Variants in DDX60L observed in about 807,000 individuals in gnomAD.
DDX60L encodes DExD/H-box 60 like, also known as probable ATP-dependent RNA helicase DDX60-like.
A neutral mutation model predicts 211.6 loss-of-function variants in DDX60L; 191 were observed. The ratio of observed to expected loss-of-function variants is 0.90; its 90% CI spans 0.80 to 1.02. The LOEUF (loss-of-function observed/expected upper bound fraction) is 1.02, where lower values mean the gene tolerates loss of function less well. Ranked by LOEUF, DDX60L falls within the 50% of genes least tolerant of loss-of-function variation. The pLI, the probability that DDX60L is intolerant of heterozygous loss-of-function variation, is 0.00. For synonymous variants in DDX60L, 706 were observed against 694.1 expected, an observed-to-expected ratio of 1.02 and a Z score of -0.27; for missense variants, 2,007 against 1,984.1, an observed-to-expected ratio of 1.01 and a Z score of -0.22.
intron 13 of DDX60L, 114 bp from the exon 14 acceptor site, chr4:168,427,436 G>A (rs561288314): frequency 5.8e-5 from 67 of 1,150,246 alleles, no homozygotes; most frequent in Admixed American, 4.5e-4. Flanking sequence ...CATTCTACTC[G>A]TGCACAGGCA....
intron 9 of DDX60L, among the ~76,000 whole-genome samples, chr4:168,443,418 G>A (rs1754254798): frequency 6.6e-6 from 1 of 151,906 alleles, no homozygotes; most frequent in African/African-American, 2.4e-5. Context: ...ACCTGAAAGT[G>A]ATGGGGAGAA....
Position 168,384,851 on chromosome 4 carries a change from G to A in DDX60L, c.3916-39C>T, listed in dbSNP as rs1464703747. The A allele has an allele frequency of 3.8e-6, 6 of 1,567,818 alleles. No homozygotes were observed. The African/African-American group carries it at 6.8e-5, about 18-fold the overall frequency. On this transcript the variant is annotated intron_variant, in intron 29 of 37. Transcript: ENST00000682922. ...AGAATCACAATGTAAAACCTCCACA[G>A]ATAATTATCCTATGAAGTCCAAAGA...
chr4:168,461,586 T>C, intron 5 of DDX60L, 113 bp downstream of exon 5: 1 of 724,474 alleles, frequency 1.4e-6, no homozygotes, highest in South Asian at 2.0e-5. Flanking sequence ...TATTACCTCT[T>C]TGGAGACTGC....
At chr4:168,450,469 C>T (rs903670827) in intron 8 of DDX60L, among the ~76,000 whole-genome samples, 1 of 141,856 alleles carries the variant, frequency 7.0e-6, no homozygotes, top group African/African-American at 2.7e-5. Flanking sequence ...CTCTGGTCTC[C>T]CTCAAAAAAA....
At chr4:168,454,806 T>A (rs1756304173) in intron 7 of DDX60L, among the ~76,000 whole-genome samples, 1 of 142,224 alleles carries the variant, frequency 7.0e-6, no homozygotes, top group Non-Finnish European at 1.5e-5. Context: ...TTGTTGTCAT[T>A]TGTTGGGATG....
At chr4:168,368,998 G>A (rs1406034283) in intron 36 of DDX60L, among the ~76,000 whole-genome samples, 3 of 152,186 alleles carry the variant, frequency 2.0e-5, no homozygotes, top group African/African-American at 7.2e-5. Context: ...TATCAGATAA[G>A]ACATTGTACA....
intron 4 of DDX60L, 185 bp downstream of exon 4, chr4:168,471,561 TA>T: frequency 4.4e-6 from 2 of 458,534 alleles, no homozygotes; most frequent in Non-Finnish European, 7.4e-6. Context: ...AAAAATTTAA[TA>T]AAATAAAAAA....
At chr4:168,365,004 C>T (rs1412117026) in intron 36 of DDX60L, among the ~76,000 whole-genome samples, 2 of 151,888 alleles carry the variant, frequency 1.3e-5, no homozygotes, top group African/African-American at 4.8e-5. Flanking sequence ...CACATTATAA[C>T]AAAACTTATG....
At position 168,373,521 on chromosome 4, in the gene DDX60L, A is replaced by AG; in HGVS notation, c.4776+144dup. 5 of 813,196 alleles carry AG rather than the reference A, an allele frequency of 6.1e-6. No individual in the cohort carries two copies. In the South Asian group the frequency reaches 7.5e-5, roughly 12 times the overall value. The allele number at this position is 813,196 out of a possible 1,614,324, so 50.4% of individuals were successfully genotyped here. ...TAGAGCATAAATCACACTGGCCTCCAGGGCTTCATTCTCTTAGACAATGAT... is the reference window on the plus strand; with the variant it reads ...TAGAGCATAAATCACACTGGCCTCCAGGGGCTTCATTCTCTTAGACAATGAT... On this transcript the variant is annotated intron_variant, in intron 35 of 37. Transcript: ENST00000682922.
Position 168,415,744 on chromosome 4 carries a change from T to G in DDX60L, c.2782A>C (p.Lys928Gln). 1 of 1,595,322 alleles carries G rather than the reference T, an allele frequency of 6.3e-7. No individual in the cohort carries two copies. The highest frequency in any genetic ancestry group is 8.5e-7 in the Non-Finnish European group (1 of 1,169,708). ...WKQADKIMEE[K>Q]CISEKQADKC... ...TCAGCCTGTTTTTCAGAAATACATT[T>G]CTCTTCCATAATCTTGTCTGCCTGT... The change falls in exon 21 of 38, where the codon AAA becomes CAA. Residue 928 changes from lysine to glutamine, a missense_variant. Lys to Gln is a moderately conservative substitution (Grantham distance 53). Coordinates refer to ENST00000682922, the MANE Select transcript of DDX60L (RefSeq NM_001012967.3).
Position 168,471,761 on chromosome 4 carries a change from TG to T in DDX60L, c.249del (p.Ile84Ter). ...VDLLSNGGQF[T>X]IVFFKDAEYA... is the part of the protein sequence containing the mutation. Reference sequence around the variant, plus strand: ...TCATATATTACCTTAAAGAAAACTATGGTGAATTGTCCTCCGTTACTCAGAA... The same window carrying T: ...TCATATATTACCTTAAAGAAAACTATGTGAATTGTCCTCCGTTACTCAGAA... On this transcript the variant is annotated frameshift_variant, in exon 4 of 38. Coordinates refer to ENST00000682922, the MANE Select transcript of DDX60L (RefSeq NM_001012967.3). LOFTEE classifies it high-confidence loss of function. 15 of 1,594,688 alleles carry T rather than the reference TG, an allele frequency of 9.4e-6. No homozygotes were observed. Among genetic ancestry groups the T allele is most frequent in the Non-Finnish European group, 1.3e-5 (15 of 1,175,516 alleles).
intron 36 of DDX60L, among the ~76,000 whole-genome samples, chr4:168,370,944 CAA>C (rs1740893232): frequency 6.6e-6 from 1 of 151,762 alleles, no homozygotes; most frequent in Admixed American, 6.6e-5. Context: ...TTTTCCATGT[CAA>C]AGAACTAGAA....
At chr4:168,386,557 G>A (rs1195683560) in intron 29 of DDX60L, among the ~76,000 whole-genome samples, 4 of 145,352 alleles carry the variant, frequency 2.8e-5, no homozygotes, top group African/African-American at 7.6e-5. Context: ...GATAAAGAAG[G>A]ACTTCTAATA....
At chr4:168,470,217 T>C (rs1250812146) in intron 4 of DDX60L, 1 of 152,062 alleles carries the variant, frequency 6.6e-6, no homozygotes. Flanking sequence ...ATTGCTGGAG[T>C]GAGTGTAAAG....
At chr4:168,446,359 C>T (rs1451681630) in intron 9 of DDX60L, among the ~76,000 whole-genome samples, 3 of 152,052 alleles carry the variant, frequency 2.0e-5, no homozygotes, top group Non-Finnish European at 4.4e-5. Flanking sequence ...AACTACAAAC[C>T]ACTGCTCAAG....
chr4:168,363,333 G>C (rs1739415078), intron 36 of DDX60L, among the ~76,000 whole-genome samples: 1 of 152,114 alleles, frequency 6.6e-6, no homozygotes, highest in Non-Finnish European at 1.5e-5. Context: ...AAAAATGAAA[G>C]AATGATCATT....
At chr4:168,457,444 G>GA (rs199842338) in intron 6 of DDX60L, among the ~76,000 whole-genome samples, 43,380 of 127,818 alleles carry the variant, frequency 0.34, 6,702 homozygotes, top group African/African-American at 0.44. Context: ...TTGAGCATCA[G>GA]AAAAAAAAAA....
intron 14 of DDX60L, among the ~76,000 whole-genome samples, chr4:168,424,544 C>A (rs888344695): frequency 3.3e-5 from 5 of 152,124 alleles, no homozygotes; most frequent in Non-Finnish European, 5.9e-5. Context: ...CATCAAGGAA[C>A]CTTCAATCTA....
intron 5 of DDX60L, among the ~76,000 whole-genome samples, chr4:168,459,814 A>AGGAG (rs1383028201): frequency 3.1e-5 from 4 of 130,200 alleles, no homozygotes; most frequent in Non-Finnish European, 6.5e-5. Flanking sequence ...GAAGGAAGGA[A>AGGAG]GGAGGGAAGG....
Sources: gnomAD v4.1 joint callset for allele counts (sites outside exome capture counted in the v4.1 genomes callset) on GRCh38, gnomAD v4.1.1 for gene constraint, MANE v1.5 for transcripts, NCBI Gene and HGNC (gene_info 2026-07-23, HGNC 2026-07-21) for gene names.